Variants in SPATA16 observed in about 807,000 individuals in gnomAD.
SPATA16 encodes spermatogenesis associated 16, also known as spermatogenesis-associated protein 16.
SPATA16 carries 36 observed loss-of-function variants against 63.3 expected under a neutral mutation model. The observed-to-expected ratio is 0.57, with a 90% CI of 0.44 to 0.75. The LOEUF (loss-of-function observed/expected upper bound fraction) is 0.75, where lower values mean the gene tolerates loss of function less well. Ranked by LOEUF, SPATA16 falls within the 30% of genes least tolerant of loss-of-function variation. SPATA16 has a pLI of 0.00. For synonymous variants in SPATA16, 203 were observed against 216.7 expected, an observed-to-expected ratio of 0.94 and a Z score of 0.56; for missense variants, 646 against 679.3, an observed-to-expected ratio of 0.95 and a Z score of 0.54.
chr3:173,120,967 A>G (rs560429908), intron 1 of SPATA16, among the ~76,000 whole-genome samples: 5 of 152,216 alleles, frequency 3.3e-5, no homozygotes, highest in Non-Finnish European at 7.3e-5. Flanking sequence ...TATAGGGTGT[A>G]CATAGAGCAC....
intron 6 of SPATA16, among the ~76,000 whole-genome samples, chr3:172,942,182 GT>G (rs1388075676): frequency 6.6e-6 from 1 of 152,102 alleles, no homozygotes; most frequent in Non-Finnish European, 1.5e-5. Context: ...AGATTTCCAT[GT>G]CTCAGGGACT....
chr3:172,925,413 C>T lies in SPATA16; in HGVS notation c.1161G>A (p.Gly387=), dbSNP rs963090395. ...ATTTTCCATCATCTTTGTTTTTGAACCCAAGAGTCAAGAGATATTGTTGGG... is the reference window on the plus strand; with the variant it reads ...ATTTTCCATCATCTTTGTTTTTGAATCCAAGAGTCAAGAGATATTGTTGGG... ...FPPQQYLLTL[G]FKNKDDGKFL... is the part of the protein sequence containing the mutation. Residue 387 remains glycine, a synonymous_variant, in exon 7 of 11, where the codon GGG becomes GGA. Transcript: ENST00000351008. 14 of 1,613,930 alleles carry T rather than the reference C, an allele frequency of 8.7e-6. No individual in the cohort carries two copies. Among genetic ancestry groups the T allele is most frequent in the Non-Finnish European group, 1.0e-5 (12 of 1,179,928 alleles).
At chr3:172,889,836 A>G in intron 10 of SPATA16, 144 bp from the exon 11 acceptor site, 2 of 1,181,032 alleles carry the variant, frequency 1.7e-6, no homozygotes, top group Admixed American at 2.5e-5. Context: ...ATGATTACAC[A>G]TAAAAGCCTT....
intron 2 of SPATA16, among the ~76,000 whole-genome samples, chr3:173,075,296 G>C (rs1736772156): frequency 6.6e-6 from 1 of 152,106 alleles, no homozygotes; most frequent in Admixed American, 6.5e-5. Flanking sequence ...GAGGATGGAT[G>C]TGTAAAAAGG....
chr3:172,919,479 T>C (rs1305065369), intron 8 of SPATA16, among the ~76,000 whole-genome samples: 2 of 152,110 alleles, frequency 1.3e-5, no homozygotes, highest in Non-Finnish European at 2.9e-5. Context: ...TCTACAAAGA[T>C]AAGGAAACCA....
chr3:172,972,910 G>T (rs1734079902), intron 5 of SPATA16, among the ~76,000 whole-genome samples: 1 of 152,132 alleles, frequency 6.6e-6, no homozygotes, highest in Non-Finnish European at 1.5e-5. Context: ...GCCTAACAAA[G>T]ATGACCTCAT....
chr3:173,119,795 G>A (rs572688282), intron 1 of SPATA16, among the ~76,000 whole-genome samples: 15 of 152,036 alleles, frequency 9.9e-5, no homozygotes, highest in South Asian at 8.3e-4. Flanking sequence ...GGCCAGGCGC[G>A]ATGGCTCACG....
At chr3:173,070,069 AC>A (rs1263515083) in intron 2 of SPATA16, among the ~76,000 whole-genome samples, 1 of 152,072 alleles carries the variant, frequency 6.6e-6, no homozygotes. Flanking sequence ...GAAACTGAAC[AC>A]CTTTCCTCTA....
At chr3:172,940,795 C>T (rs1560073497) in intron 6 of SPATA16, among the ~76,000 whole-genome samples, 1 of 151,920 alleles carries the variant, frequency 6.6e-6, no homozygotes, top group Non-Finnish European at 1.5e-5. Context: ...CCAGCCTGGG[C>T]AACATGGAGA....
chr3:172,913,610 G>A (rs1447347610), intron 10 of SPATA16, 51 bp downstream of exon 10: 1 of 1,560,340 alleles, frequency 6.4e-7, no homozygotes, highest in Non-Finnish European at 8.8e-7. Context: ...ACCCAAAATG[G>A]ACATTTTCTT....
chr3:173,047,483 G>A (rs1242164301), intron 3 of SPATA16, among the ~76,000 whole-genome samples: 2 of 151,916 alleles, frequency 1.3e-5, no homozygotes, highest in African/African-American at 4.8e-5. Context: ...TATGCCTATG[G>A]ATTTTCTGAA....
At position 172,951,707 on chromosome 3, in the gene SPATA16, G is replaced by A. The variant is rs541769349; in HGVS notation, c.1081+4970C>T. 4.3e-4 allele frequency among the ~76,000 whole-genome samples: 65 copies of A among 152,218 alleles called. 1 individual carries two copies. Among genetic ancestry groups the A allele is most frequent in the Admixed American group, 2.7e-3 (41 of 15,298 alleles). ...TCTGCCAGCTTGTGCTGGGCTCATG[G>A]CACTGTCACGTGACCAGGGAGCAAT... On this transcript the variant is annotated intron_variant, in intron 6 of 10. Coordinates refer to ENST00000351008, the MANE Select transcript of SPATA16 (RefSeq NM_031955.6).
chr3:172,949,775 T>C (rs1349057399), intron 6 of SPATA16, among the ~76,000 whole-genome samples: 1 of 152,040 alleles, frequency 6.6e-6, no homozygotes, highest in Non-Finnish European at 1.5e-5. Context: ...CCTGAGAAAC[T>C]GGTAAGACCA....
At chr3:172,992,079 GA>G (rs1232999806) in intron 4 of SPATA16, among the ~76,000 whole-genome samples, 3 of 152,120 alleles carry the variant, frequency 2.0e-5, no homozygotes, top group East Asian at 3.9e-4. Context: ...TGGGCGTTAG[GA>G]AAATTCTGCA....
chr3:172,966,232 A>G (rs903215998), intron 5 of SPATA16, among the ~76,000 whole-genome samples: 1 of 152,250 alleles, frequency 6.6e-6, no homozygotes, highest in Non-Finnish European at 1.5e-5. Flanking sequence ...ACCTGCCACT[A>G]TACTACCAAG....
chr3:172,902,118 A>G (rs192831742), intron 10 of SPATA16, among the ~76,000 whole-genome samples: 119 of 150,848 alleles, frequency 7.9e-4, no homozygotes, highest in African/African-American at 2.8e-3. Flanking sequence ...GCTCACTGAA[A>G]CCTCCGCCTC....
At chr3:173,059,771 TTC>T (rs1736330778) in intron 2 of SPATA16, among the ~76,000 whole-genome samples, 1 of 151,862 alleles carries the variant, frequency 6.6e-6, no homozygotes, top group Non-Finnish European at 1.5e-5. Flanking sequence ...TGTTATGCAT[TTC>T]TTTTCCCATC....
At chr3:173,102,883 T>C (rs1238569112) in intron 2 of SPATA16, among the ~76,000 whole-genome samples, 1 of 152,164 alleles carries the variant, frequency 6.6e-6, no homozygotes, top group Admixed American at 6.5e-5. Context: ...TTCCTTCCAA[T>C]ATGAGCCTGT....
At chr3:172,920,829 T>C (rs1004030293) in intron 8 of SPATA16, among the ~76,000 whole-genome samples, 1 of 152,324 alleles carries the variant, frequency 6.6e-6, no homozygotes, top group Admixed American at 6.5e-5. Flanking sequence ...ATAAATGTGA[T>C]AATAAAACAT....
Sources: gnomAD v4.1 joint callset for allele counts (sites outside exome capture counted in the v4.1 genomes callset) on GRCh38, gnomAD v4.1.1 for gene constraint, MANE v1.5 for transcripts, NCBI Gene and HGNC (gene_info 2026-07-23, HGNC 2026-07-21) for gene names.